SESTD1: variants seen among roughly 807,000 people sequenced by gnomAD.
The protein encoded by SESTD1 is SEC14 and spectrin domain containing 1.
SESTD1 carries 43 observed loss-of-function variants against 101.7 expected under a neutral mutation model. The observed-to-expected ratio is 0.42, with a 90% CI of 0.33 to 0.55. SESTD1 has a LOEUF of 0.55. Ranked by LOEUF, SESTD1 falls within the 20% of genes least tolerant of loss-of-function variation. The pLI is 0.07. For missense variants in SESTD1, 647 were observed against 815.1 expected (o/e 0.79, Z 2.51); for synonymous variants, 283 against 286.8 (o/e 0.99, Z 0.13).
intron 5 of SESTD1, among the ~76,000 whole-genome samples, chr2:179,159,722 G>C (rs2045698724): frequency 6.6e-6 from 1 of 152,026 alleles, no homozygotes; most frequent in Non-Finnish European, 1.5e-5. Context: ...CCCTTGAAGA[G>C]ACCACTAATT....
At chr2:179,124,230 C>G (rs544754298) in intron 11 of SESTD1, 134 bp downstream of exon 11, 593 of 810,246 alleles carry the variant, frequency 7.3e-4, no homozygotes, top group Non-Finnish European at 1.0e-3. Flanking sequence ...AATTTTATCT[C>G]ATTACCCCCA....
chr2:179,138,672 C>T (rs1248264194), intron 9 of SESTD1, among the ~76,000 whole-genome samples: 1 of 151,968 alleles, frequency 6.6e-6, no homozygotes, highest in Non-Finnish European at 1.5e-5. Flanking sequence ...CTTCTGCAGC[C>T]TGGGAAGCAT....
chr2:179,123,664 TA>T lies in SESTD1; in HGVS notation c.1282+50del, dbSNP rs781642763. The T allele has an allele frequency of 8.2e-6, 9 of 1,091,622 alleles. No homozygotes were observed. The Admixed American group carries it at 2.7e-4, about 33-fold the overall frequency. 67.6% of individuals were successfully genotyped at this position (1,091,622 alleles called of 1,614,324 possible). A position where few individuals can be genotyped will look rare whatever the true frequency, so the allele number is the denominator to read the frequency against. ...CTTAATTGTCTAACCATGGTAATGA[TA>T]TTTAAAAAAAAAAAAACCTTATGTT... On this transcript the variant is annotated intron_variant, in intron 12 of 17. Coordinates refer to ENST00000428443, the MANE Select transcript of SESTD1 (RefSeq NM_178123.5).
intron 1 of SESTD1, among the ~76,000 whole-genome samples, chr2:179,246,774 A>C (rs571198290): frequency 3.3e-4 from 51 of 152,366 alleles, no homozygotes; most frequent in African/African-American, 1.2e-3. Flanking sequence ...ATATGGACTC[A>C]AACTAGAAAT....
chr2:179,229,760 T>TATATATATATATATATATAA (rs1279615905), intron 1 of SESTD1, among the ~76,000 whole-genome samples: 1 of 125,036 alleles, frequency 8.0e-6, no homozygotes, highest in East Asian at 2.1e-4. Flanking sequence ...TATATATATA[T>TATATATATATATATATATAA]ATATATATAT....
intron 2 of SESTD1, among the ~76,000 whole-genome samples, chr2:179,185,018 G>A (rs2046186151): frequency 6.6e-6 from 1 of 152,038 alleles, no homozygotes; most frequent in Non-Finnish European, 1.5e-5. Flanking sequence ...ATGCAAAAAT[G>A]TCATGGTAAA....
intron 10 of SESTD1, among the ~76,000 whole-genome samples, chr2:179,131,649 A>T (rs2045016649): frequency 6.6e-6 from 1 of 152,226 alleles, no homozygotes; most frequent in Non-Finnish European, 1.5e-5. Flanking sequence ...TCAGTAATGA[A>T]GAATTAACTG....
chr2:179,167,321 C>T (rs910071241), intron 5 of SESTD1, among the ~76,000 whole-genome samples: 2 of 151,918 alleles, frequency 1.3e-5, no homozygotes, highest in Admixed American at 6.6e-5. Context: ...AGAGAAAATA[C>T]CTAAACTGAA....
intron 5 of SESTD1, among the ~76,000 whole-genome samples, chr2:179,153,500 G>GCT (rs566641194): frequency 3.3e-5 from 5 of 151,774 alleles, no homozygotes; most frequent in Admixed American, 6.6e-5. Flanking sequence ...ACACTCTCTC[G>GCT]CTCTCTCTCT....
At chr2:179,176,000 GGACCAGAAGAGAAA>G (rs1293102513) in intron 4 of SESTD1, among the ~76,000 whole-genome samples, 1 of 152,054 alleles carries the variant, frequency 6.6e-6, no homozygotes, top group Non-Finnish European at 1.5e-5. Context: ...AGGAAATAGG[GGACCAGAAGAGAAA>G]GACATGCCAG....
At chr2:179,136,996 G>C (rs2045160396) in intron 9 of SESTD1, among the ~76,000 whole-genome samples, 1 of 152,038 alleles carries the variant, frequency 6.6e-6, no homozygotes, top group Admixed American at 6.6e-5. Context: ...TAATAAAAAT[G>C]ATGCAAATTG....
rs558797975 is a variant in SESTD1 at position 179,103,565 on chromosome 2, C to T, written c.*6334G>A. 5 of 152,078 alleles carry T rather than the reference C, an allele frequency of 3.3e-5. No individual in the cohort carries two copies. The highest frequency in any genetic ancestry group is 1.2e-4 in the African/African-American group (5 of 41,480). 9.4% of individuals were successfully genotyped at this position (152,078 alleles called of 1,614,324 possible). ...TATCAATAATAGGAAATTAAGAAAA[C>T]AAACTGTAATATTGTCATACAGTGG... is the stretch of plus-strand genomic sequence containing the variant. On this transcript the variant is annotated 3_prime_UTR_variant, in exon 18 of 18. Coordinates refer to ENST00000428443, the MANE Select transcript of SESTD1 (RefSeq NM_178123.5).
At chr2:179,128,231 A>G (rs1214072825) in intron 10 of SESTD1, among the ~76,000 whole-genome samples, 1 of 152,238 alleles carries the variant, frequency 6.6e-6, no homozygotes, top group African/African-American at 2.4e-5. Context: ...TGTAAAATAT[A>G]GGCTCCAGCA....
chr2:179,151,063 G>A (rs575746379), intron 6 of SESTD1, among the ~76,000 whole-genome samples: 7 of 152,238 alleles, frequency 4.6e-5, no homozygotes, highest in South Asian at 2.1e-4. Context: ...AAGATTAAAC[G>A]CATTGTTGAA....
intron 1 of SESTD1, among the ~76,000 whole-genome samples, chr2:179,222,718 A>C (rs909522909): frequency 6.6e-6 from 1 of 152,188 alleles, no homozygotes; most frequent in Non-Finnish European, 1.5e-5. Context: ...CAGATTTATA[A>C]ATCATAAGAG....
chr2:179,116,831 CTT>C, intron 14 of SESTD1, 41 bp from the exon 15 acceptor site: 2 of 1,595,358 alleles, frequency 1.3e-6, no homozygotes, highest in Non-Finnish European at 1.7e-6. Flanking sequence ...ATTCAGAACT[CTT>C]TACTTATTGT....
At chr2:179,262,606 TA>T (rs2047499142) in intron 1 of SESTD1, among the ~76,000 whole-genome samples, 1 of 152,204 alleles carries the variant, frequency 6.6e-6, no homozygotes, top group Non-Finnish European at 1.5e-5. Context: ...AAAACTACTA[TA>T]ACAGAGAAAC....
rs1330689318 is a variant in SESTD1 at position 179,104,497 on chromosome 2, G to A, written c.*5402C>T. 1.3e-5 allele frequency: 2 copies of A among 152,148 alleles called. No individual in the cohort carries two copies. The highest frequency in any genetic ancestry group is 4.8e-5 in the African/African-American group (2 of 41,436). 9.4% of individuals were successfully genotyped at this position (152,148 alleles called of 1,614,324 possible). A position where few individuals can be genotyped will look rare whatever the true frequency, so the allele number is the denominator to read the frequency against. ...GGTCATAAATAGTGAGTGGTCTACTGTGTTCTGAGTGGAAAGGCACCCAGT... is the reference window on the plus strand; with the variant it reads ...GGTCATAAATAGTGAGTGGTCTACTATGTTCTGAGTGGAAAGGCACCCAGT... On this transcript the variant is annotated 3_prime_UTR_variant, in exon 18 of 18. Transcript: ENST00000428443.
At chr2:179,233,790 ACATG>A (rs532934533) in intron 1 of SESTD1, among the ~76,000 whole-genome samples, 4 of 152,166 alleles carry the variant, frequency 2.6e-5, no homozygotes, top group Admixed American at 1.3e-4. Flanking sequence ...ATACAGGGAT[ACATG>A]CATGCATGCA....
Sources: gnomAD v4.1 joint callset for allele counts (sites outside exome capture counted in the v4.1 genomes callset) on GRCh38, gnomAD v4.1.1 for gene constraint, MANE v1.5 for transcripts, NCBI Gene and HGNC (gene_info 2026-07-23, HGNC 2026-07-21) for gene names.